The following ZNF595 variants were observed in gnomAD, a reference collection of about 807,000 sequenced individuals.
ZNF595 encodes the protein zinc finger protein 595.
ZNF595 carries 9 observed loss-of-function variants against 19.4 expected under a neutral mutation model. That is an observed-to-expected ratio of 0.46 (90% CI 0.28 to 0.81). The LOEUF (loss-of-function observed/expected upper bound fraction) is 0.81, where lower values mean the gene tolerates loss of function less well. Ranked by LOEUF, ZNF595 falls within the 30% of genes least tolerant of loss-of-function variation. ZNF595 has a pLI of 0.11. For synonymous variants in ZNF595, 255 were observed against 255.9 expected (o/e 1.00, Z 0.03); for missense variants, 729 against 736.0 (o/e 0.99, Z 0.11).
chr4:84,443 C>G (rs1175689891), intron 3 of ZNF595, among the ~76,000 whole-genome samples: 4 of 152,132 alleles, frequency 2.6e-5, no homozygotes, highest in African/African-American at 9.7e-5. Flanking sequence ...AAGAGCTTTA[C>G]TTTTTCTTCA....
At chr4:68,893 CT>C (rs1275871670) in intron 3 of ZNF595, among the ~76,000 whole-genome samples, 1 of 152,192 alleles carries the variant, frequency 6.6e-6, no homozygotes, top group Admixed American at 6.5e-5. Context: ...CCCACTTCCC[CT>C]GAACCCCTCA....
chr4:86,872 A>G lies in ZNF595; in HGVS notation c.1368A>G (p.Glu456=), dbSNP rs1553801826. The change falls in exon 4 of 4, where the codon GAA becomes GAG. Residue 456 remains glutamate (E), a synonymous_variant. Coordinates refer to ENST00000610261, the MANE Select transcript of ZNF595 (RefSeq NM_182524.4). Reference sequence around the variant, plus strand: ...GGCAAAAACCTTACAAATGTGAAGAATGTGGCAAAGCCTTTACACGGTCCA... The same window carrying G: ...GGCAAAAACCTTACAAATGTGAAGAGTGTGGCAAAGCCTTTACACGGTCCA... ...HSGQKPYKCE[E]CGKAFTRSTT... 6.2e-7 allele frequency: 1 copy of G among 1,612,066 alleles called. No homozygotes were observed.
At chr4:85,435 T>TA (rs2108763252) in intron 3 of ZNF595, among the ~76,000 whole-genome samples, 1 of 152,328 alleles carries the variant, frequency 6.6e-6, no homozygotes, top group East Asian at 1.9e-4. Context: ...AATGCTATAT[T>TA]GGGGAGGAGG....
chr4:81,493 G>A (rs1265575153), intron 3 of ZNF595, among the ~76,000 whole-genome samples: 1 of 151,942 alleles, frequency 6.6e-6, no homozygotes, highest in Non-Finnish European at 1.5e-5. Context: ...GTGATTTGAA[G>A]ATAATTTCAA....
intron 3 of ZNF595, among the ~76,000 whole-genome samples, chr4:73,661 C>G (rs1044648867): frequency 2.6e-5 from 4 of 152,170 alleles, no homozygotes; most frequent in Non-Finnish European, 4.4e-5. Flanking sequence ...CCCGCACTTT[C>G]TTTTGTCCTA....
intron 3 of ZNF595, among the ~76,000 whole-genome samples, chr4:66,196 C>A (rs1449149356): frequency 6.6e-6 from 1 of 151,136 alleles, no homozygotes. Flanking sequence ...TTGATATTGG[C>A]CATCTTAATA....
intron 3 of ZNF595, among the ~76,000 whole-genome samples, chr4:80,500 G>A (rs1416065738): frequency 4.0e-5 from 6 of 151,878 alleles, no homozygotes; most frequent in Admixed American, 6.6e-5. Flanking sequence ...ACCACCAAAC[G>A]GGCTTTGTGT....
chr4:64,811 C>A (rs1423725768), intron 3 of ZNF595, among the ~76,000 whole-genome samples: 1 of 152,408 alleles, frequency 6.6e-6, no homozygotes, highest in East Asian at 1.9e-4. Flanking sequence ...ATATGGCAGG[C>A]AGTAGGGTAG....
At chr4:81,780 A>G (rs1292676902) in intron 3 of ZNF595, among the ~76,000 whole-genome samples, 1 of 152,186 alleles carries the variant, frequency 6.6e-6, no homozygotes, top group Non-Finnish European at 1.5e-5. Context: ...GAGTTGATTC[A>G]TACAGTTTCT....
chr4:72,411 A>G (rs6851329), intron 3 of ZNF595, among the ~76,000 whole-genome samples: 14,061 of 152,242 alleles, frequency 0.092, 709 homozygotes, highest in East Asian at 0.16. Flanking sequence ...AGAAAAGTGA[A>G]TACATTTCCA....
intron 1 of ZNF595, among the ~76,000 whole-genome samples, chr4:57,567 G>A (rs1581314622): frequency 6.6e-6 from 1 of 151,962 alleles, no homozygotes; most frequent in African/African-American, 2.4e-5. Context: ...GTTTCATATG[G>A]ACATTAGAAA....
At chr4:85,018 C>G (rs1006616017) in intron 3 of ZNF595, among the ~76,000 whole-genome samples, 1 of 152,184 alleles carries the variant, frequency 6.6e-6, no homozygotes, top group African/African-American at 2.4e-5. Flanking sequence ...GTATTTGTCA[C>G]AATCTTTACA....
intron 3 of ZNF595, among the ~76,000 whole-genome samples, chr4:64,687 C>A (rs1435563783): frequency 6.6e-6 from 1 of 152,308 alleles, no homozygotes; most frequent in Non-Finnish European, 1.5e-5. Flanking sequence ...TACCATACAT[C>A]TGTGTTTGAG....
At position 86,847 on chromosome 4, in the gene ZNF595, G is replaced by A. The variant is rs782343736; in HGVS notation, c.1343G>A (p.Gly448Glu). 1 of 1,609,074 alleles carries A rather than the reference G, an allele frequency of 6.2e-7. No individual in the cohort carries two copies. The highest frequency in any genetic ancestry group is 8.5e-7 in the Non-Finnish European group (1 of 1,178,680). The change falls in exon 4 of 4, where the codon GGG (glycine) becomes GAG (glutamate). Residue 448 changes from glycine to glutamate, a missense_variant. Physicochemically the swap from Gly to Glu is moderately conservative, Grantham distance 98. Transcript: ENST00000610261. ...TLILHKRIHSGQKPYKCEECG... is the reference protein window; with the variant it reads ...TLILHKRIHSEQKPYKCEECG... Reference sequence around the variant, plus strand: ...ATATTACACAAGAGAATCCATTCTGGGCAAAAACCTTACAAATGTGAAGAA... The same window carrying A: ...ATATTACACAAGAGAATCCATTCTGAGCAAAAACCTTACAAATGTGAAGAA...
chr4:60,792 C>T (rs1263255684), intron 3 of ZNF595, among the ~76,000 whole-genome samples: 2 of 152,274 alleles, frequency 1.3e-5, no homozygotes, highest in Non-Finnish European at 2.9e-5. Flanking sequence ...GAACAATAAG[C>T]GTTTTTCCAA....
At position 87,550 on chromosome 4, in the gene ZNF595, A is replaced by AG; in HGVS notation, c.*99_*100insG. On this transcript the variant is annotated 3_prime_UTR_variant, in exon 4 of 4. Transcript: ENST00000610261. ...AACTTGTATTATTTTTCTTATTTTA[A>AG]ATTTTTTAAAATTTCTGTAGGTACA... The AG allele has an allele frequency of 8.5e-7, 1 of 1,181,816 alleles. No homozygotes were observed. 73.2% of individuals were successfully genotyped at this position (1,181,816 alleles called of 1,614,324 possible). A position where few individuals can be genotyped will look rare whatever the true frequency, so the allele number is the denominator to read the frequency against.
chr4:75,842 C>G (rs1218057203), intron 3 of ZNF595, among the ~76,000 whole-genome samples: 8 of 150,104 alleles, frequency 5.3e-5, no homozygotes, highest in Admixed American at 5.3e-4. Flanking sequence ...TTCCAAGAGA[C>G]TTACATAAAA....
intron 3 of ZNF595, among the ~76,000 whole-genome samples, chr4:79,146 TTTAC>T (rs1345225680): frequency 6.6e-6 from 1 of 152,214 alleles, no homozygotes; most frequent in Non-Finnish European, 1.5e-5. Flanking sequence ...AGAACACCAT[TTTAC>T]TTACTCTTTC....
intron 3 of ZNF595, among the ~76,000 whole-genome samples, chr4:73,259 G>A (rs1165164014): frequency 6.6e-6 from 1 of 152,190 alleles, no homozygotes; most frequent in African/African-American, 2.4e-5. Flanking sequence ...GTAGGTGTGA[G>A]GGAGAGAGCA....
Sources: gnomAD v4.1 joint callset for allele counts (sites outside exome capture counted in the v4.1 genomes callset) on GRCh38, gnomAD v4.1.1 for gene constraint, MANE v1.5 for transcripts, NCBI Gene and HGNC (gene_info 2026-07-23, HGNC 2026-07-21) for gene names.